Variants in LOC131768270 observed in about 807,000 individuals in gnomAD.
At chr5:140,568,823 C>G in the LOC131768270 span, 1 of 167,444 alleles carries the variant, frequency 6.0e-6, no homozygotes, top group Non-Finnish European at 1.5e-5. Flanking sequence ...TGGGCCCTGG[C>G]TTAAGCCGAC....
chr5:140,566,621 G>A, the LOC131768270 span: 2 of 443,172 alleles, frequency 4.5e-6, no homozygotes, highest in Admixed American at 3.9e-5. Context: ...GCTATGTGGT[G>A]GCCAAACTGA....
the LOC131768270 span, chr5:140,569,015 C>T: frequency 6.0e-6 from 1 of 167,070 alleles, no homozygotes; most frequent in Non-Finnish European, 1.5e-5. Flanking sequence ...AAACCTGTAG[C>T]TCAATCAGTG....
the LOC131768270 span, chr5:140,567,097 C>T: frequency 8.1e-6 from 13 of 1,608,836 alleles, 1 homozygote; most frequent in African/African-American, 1.6e-4. Flanking sequence ...TGGGAGCTGG[C>T]TCCATAACTT....
chr5:140,567,829 G>A, the LOC131768270 span: 2 of 1,614,118 alleles, frequency 1.2e-6, no homozygotes, highest in South Asian at 2.2e-5. Flanking sequence ...TGGCACTTCA[G>A]AACCTCTTCC....
the LOC131768270 span, chr5:140,566,519 T>G: frequency 2.4e-6 from 1 of 413,254 alleles, no homozygotes; most frequent in Non-Finnish European, 4.3e-6. Flanking sequence ...CCCTGGACAG[T>G]CAGGAAGGAG....
At chr5:140,566,923 G>A in the LOC131768270 span, 6 of 671,310 alleles carry the variant, frequency 8.9e-6, no homozygotes, top group South Asian at 4.9e-5. Flanking sequence ...TCCTCAGCCT[G>A]CACCCTGGAT....
At chr5:140,567,197 G>T in the LOC131768270 span, 1 of 1,613,642 alleles carries the variant, frequency 6.2e-7, no homozygotes, top group African/African-American at 1.3e-5. Context: ...GGGTATGCCA[G>T]GCCTGGGCCG....
At chr5:140,565,067 C>G in the LOC131768270 span, 3 of 397,030 alleles carry the variant, frequency 7.6e-6, no homozygotes, top group African/African-American at 4.1e-5. Context: ...CCCAGATGTC[C>G]CCTCCTGGGA....
At chr5:140,567,024 G>C in the LOC131768270 span, 1 of 1,263,864 alleles carries the variant, frequency 7.9e-7, no homozygotes, top group South Asian at 1.2e-5. Context: ...CCTGACTGTG[G>C]AGTTGGTAGA....
At chr5:140,566,882 G>C in the LOC131768270 span, 1 of 613,880 alleles carries the variant, frequency 1.6e-6, no homozygotes, top group East Asian at 2.7e-5. Flanking sequence ...CTTCATCCTT[G>C]CCTCCCTTCC....
the LOC131768270 span, chr5:140,564,877 G>C: frequency 2.5e-6 from 1 of 405,964 alleles, no homozygotes; most frequent in Non-Finnish European, 4.3e-6. This position sits in a 1 kb window ranked among gnomAD's most constrained non-coding sequence, Gnocchi z 5.0. Flanking sequence ...CCGTGGGGGT[G>C]ATCTGCAGCC....
the LOC131768270 span, chr5:140,567,837 T>C: frequency 2.5e-6 from 4 of 1,614,114 alleles, no homozygotes; most frequent in Non-Finnish European, 2.5e-6. Flanking sequence ...CAGAACCTCT[T>C]CCTCTACACT....
At chr5:140,567,814 G>C in the LOC131768270 span, 1 of 1,614,034 alleles carries the variant, frequency 6.2e-7, no homozygotes, top group Non-Finnish European at 8.5e-7. Flanking sequence ...GACAGCGGCT[G>C]CCCCTGGCAC....
At chr5:140,565,091 C>CCA in the LOC131768270 span, 3,980 of 395,448 alleles carry the variant, frequency 0.01, 147 homozygotes, top group African/African-American at 0.073. Flanking sequence ...ATCACGAACC[C>CCA]GTTACTAGCA....
At chr5:140,567,382 A>C in the LOC131768270 span, 2 of 1,614,156 alleles carry the variant, frequency 1.2e-6, no homozygotes, top group East Asian at 2.2e-5. Context: ...CCCTTCTGGT[A>C]GGCTGGCAAG....
chr5:140,567,680 C>T, the LOC131768270 span: 2 of 1,614,054 alleles, frequency 1.2e-6, no homozygotes, highest in South Asian at 1.1e-5. Flanking sequence ...CCTTCCCAGT[C>T]CCCCTCCAGC....
chr5:140,567,060 T>G, the LOC131768270 span: 5 of 1,542,222 alleles, frequency 3.2e-6, no homozygotes, highest in Non-Finnish European at 4.4e-6. Context: ...GTATTCTCTC[T>G]GGCAATGTTC....
At chr5:140,567,980 A>G in the LOC131768270 span, 6 of 1,614,150 alleles carry the variant, frequency 3.7e-6, no homozygotes, top group East Asian at 8.9e-5. Flanking sequence ...GTCTGCTGTC[A>G]TGAAGCATGG....
At chr5:140,568,401 A>C in the LOC131768270 span, 3 of 578,540 alleles carry the variant, frequency 5.2e-6, no homozygotes, top group South Asian at 6.4e-5. Context: ...TCCAGACTAA[A>C]GAATTAAGGT....
Sources: allele counts gnomAD v4.1 joint callset, GRCh38; gene constraint gnomAD v4.1.1; non-coding constraint Gnocchi (gnomAD v3.1); transcripts MANE v1.5.